Variants in PCDH17 observed in about 807,000 individuals in gnomAD.
PCDH17 encodes the protein protocadherin 17, also known as protocadherin-17.
PCDH17 carries 21 observed loss-of-function variants against 67.7 expected under a neutral mutation model. The observed-to-expected ratio is 0.31, with a 90% CI of 0.22 to 0.45. The LOEUF is 0.45. Ranked by LOEUF, PCDH17 falls within the 20% of genes least tolerant of loss-of-function variation. The probability of loss-of-function intolerance (pLI) is 1.00; values close to 1 mark genes in which losing one functional copy is unlikely to be tolerated. For synonymous variants in PCDH17, 701 were observed against 656.7 expected (o/e 1.07, Z -1.03); for missense variants, 1,471 against 1,564.8 (o/e 0.94, Z 1.01).
chr13:57,670,491 T>C (rs1163020297), intron 3 of PCDH17, among the ~76,000 whole-genome samples: 1 of 151,404 alleles, frequency 6.6e-6, no homozygotes, highest in South Asian at 2.1e-4. Flanking sequence ...TAAAAATGTG[T>C]AGCAGTGCCT....
intron 1 of PCDH17, among the ~76,000 whole-genome samples, chr13:57,651,825 A>C (rs1323837913): frequency 1.3e-5 from 2 of 152,158 alleles, no homozygotes; most frequent in Admixed American, 6.5e-5. Flanking sequence ...AATACTAAAT[A>C]CATATTAACA....
At chr13:57,700,158 AG>A (rs1399678994) in intron 3 of PCDH17, among the ~76,000 whole-genome samples, 3 of 152,160 alleles carry the variant, frequency 2.0e-5, no homozygotes, top group African/African-American at 7.2e-5. Context: ...GTGTGGGAAG[AG>A]ACTAGAGTTG....
chr13:57,703,066 A>T (rs1474027550), intron 3 of PCDH17, among the ~76,000 whole-genome samples: 3 of 152,142 alleles, frequency 2.0e-5, no homozygotes, highest in Admixed American at 2.0e-4. Flanking sequence ...TTCACAAATG[A>T]TGGAGTTAAC....
rs2138025458 is a variant in PCDH17, at chr13:57,667,365, C to T, written c.2797+532C>T. Among the ~76,000 whole-genome samples, 2 of 152,082 alleles carry T rather than the reference C, an allele frequency of 1.3e-5. 1 individual carries two copies. The highest frequency in any genetic ancestry group is 4.1e-4 in the South Asian group (2 of 4,824). On this transcript the variant is annotated intron_variant, in intron 3 of 3. Transcript: ENST00000377918. ...TTTACATCTAAGGCTTCATGAATATCAAATGGGTAATAAAGCAATGTGTCT... is the reference window on the plus strand; with the variant it reads ...TTTACATCTAAGGCTTCATGAATATTAAATGGGTAATAAAGCAATGTGTCT...
chr13:57,680,075 G>A (rs1379618136), intron 3 of PCDH17, among the ~76,000 whole-genome samples: 2 of 150,974 alleles, frequency 1.3e-5, no homozygotes, highest in Non-Finnish European at 3.0e-5. Flanking sequence ...AAAGTGTTTT[G>A]TCTTTGAGGA....
At position 57,635,217 on chromosome 13, in the gene PCDH17, G is replaced by GA. The variant is rs869149787; in HGVS notation, c.2565+111dup. The GA allele has an allele frequency of 4.4e-6, 5 of 1,145,118 alleles. No individual in the cohort carries two copies. The African/African-American group carries it at 6.2e-5, about 14-fold the overall frequency. The allele number at this position is 1,145,118 out of a possible 1,614,324, so 70.9% of individuals were successfully genotyped here. On this transcript the variant is annotated intron_variant, in intron 1 of 3. Transcript: ENST00000377918. ...CCACTCTGCCAGCAGCAGTGAGGGG[G>GA]AAAAATAATTAAATGAAAACGGTTT...
In PCDH17 at chr13:57,632,521, TCCTGCC is replaced by T. The variant is rs1384822720; in HGVS notation, c.-23_-18del. The T allele has an allele frequency of 2.5e-6, 4 of 1,603,474 alleles. No individual in the cohort carries two copies. In the Admixed American group the frequency reaches 5.2e-5, roughly 21 times the overall value. On this transcript the variant is annotated 5_prime_UTR_variant, in exon 1 of 4. Transcript: ENST00000377918. ...TCTCTGGCTCCTCCAGTCCGATTGC[TCCTGCC>T]CCCACCTTACAGGTCTGGGATGTAC...
chr13:57,702,083 A>G (rs1955669812), intron 3 of PCDH17, among the ~76,000 whole-genome samples: 1 of 151,796 alleles, frequency 6.6e-6, no homozygotes, highest in African/African-American at 2.4e-5. Flanking sequence ...AGGCCCAGTT[A>G]ATTTTTGTAT....
At position 57,633,828 on chromosome 13, in the gene PCDH17, C is replaced by T. The variant is rs764920344; in HGVS notation, c.1282C>T (p.Arg428Cys). The part of the protein sequence containing the change: ...YDNFYTVVTD[R>C]PLDRETQDEY... ...CAACTTCTACACGGTGGTGACTGAC[C>T]GCCCGCTGGACCGCGAGACACAAGA... is the stretch of plus-strand genomic sequence containing the variant. Residue 428 changes from arginine (R) to cysteine (C), a missense_variant, in exon 1 of 4, where the codon CGC becomes TGC. By Grantham distance (180) the Arg-to-Cys change is radical. Around this residue, in one of 3 missense-constraint regions of PCDH17, gnomAD observed 1,163 missense variants for 1,230.0 expected, o/e 0.95. Coordinates refer to ENST00000377918, the MANE Select transcript of PCDH17 (RefSeq NM_001040429.3). This position sits in a 1 kb window ranked among gnomAD's most constrained non-coding sequence, Gnocchi z 6.2. 2 of 1,612,232 alleles carry T rather than the reference C, an allele frequency of 1.2e-6. No individual in the cohort carries two copies. The highest frequency in any genetic ancestry group is 1.7e-5 in the Admixed American group (1 of 60,006).
intron 1 of PCDH17, among the ~76,000 whole-genome samples, chr13:57,650,474 A>G (rs754915371): frequency 2.6e-5 from 4 of 152,104 alleles, no homozygotes; most frequent in South Asian, 2.1e-4. Flanking sequence ...TAGCAAGTCA[A>G]TAGTTTCCCT....
intron 3 of PCDH17, among the ~76,000 whole-genome samples, chr13:57,723,717 G>T (rs1332299515): frequency 1.3e-5 from 2 of 152,124 alleles, no homozygotes; most frequent in African/African-American, 4.8e-5. Context: ...AAATATTGGG[G>T]TCAATGGAAG....
intron 3 of PCDH17, among the ~76,000 whole-genome samples, chr13:57,667,073 T>C (rs1356163092): frequency 1.3e-5 from 2 of 152,130 alleles, no homozygotes; most frequent in Non-Finnish European, 2.9e-5. Context: ...CCAAAGTCAC[T>C]TGATTGTTCT....
At position 57,633,272 on chromosome 13, in the gene PCDH17, C is replaced by T; in HGVS notation, c.726C>T (p.Val242=). ...KVIDSNDNSP[V]FEAPSYLVEL... The stretch of plus-strand genomic sequence containing the variant: ...TTGACTCCAACGACAACAGCCCGGT[C>T]TTCGAGGCGCCATCCTACTTGGTGG... Residue 242 remains valine (V), a synonymous_variant, in exon 1 of 4, where the codon GTC becomes GTT. Transcript: ENST00000377918. This position sits in a 1 kb window ranked among gnomAD's most constrained non-coding sequence, Gnocchi z 6.2. 2 of 1,613,376 alleles carry T rather than the reference C, an allele frequency of 1.2e-6. No individual in the cohort carries two copies. Among genetic ancestry groups the T allele is most frequent in the Non-Finnish European group, 1.7e-6 (2 of 1,180,036 alleles).
rs545919409 is a variant in PCDH17, at chr13:57,647,066, A to C, written c.2565+11955A>C. On this transcript the variant is annotated intron_variant, in intron 1 of 3. Transcript: ENST00000377918. Reference sequence around the variant, plus strand: ...TACTCTTTCTGTGACTTTTTCTTAAACTATCGTACATGCTTTCTTTTAAAA... The same window carrying C: ...TACTCTTTCTGTGACTTTTTCTTAACCTATCGTACATGCTTTCTTTTAAAA... Among the ~76,000 whole-genome samples, 84 of 151,888 alleles carry C rather than the reference A, an allele frequency of 5.5e-4. 1 individual carries two copies. Among genetic ancestry groups the C allele is most frequent in the Non-Finnish European group, 1.0e-3 (70 of 67,742 alleles).
intron 1 of PCDH17, among the ~76,000 whole-genome samples, chr13:57,635,501 GT>G (rs1361582842): frequency 6.6e-6 from 1 of 151,782 alleles, no homozygotes; most frequent in East Asian, 1.9e-4. Context: ...TTTTTATTCT[GT>G]TTTTTTAAAT....
chr13:57,706,281 A>T (rs1174771466), intron 3 of PCDH17, among the ~76,000 whole-genome samples: 1 of 152,134 alleles, frequency 6.6e-6, no homozygotes, highest in Non-Finnish European at 1.5e-5. Context: ...ATGTACTTAC[A>T]TCTTTTGCCA....
At chr13:57,631,623 A>G (rs1954721506), upstream of PCDH17, among the ~76,000 whole-genome samples, 1 of 152,130 alleles carries the variant, frequency 6.6e-6, no homozygotes, top group Admixed American at 6.5e-5. Context: ...ATAGACTCAC[A>G]CAGCAAATGC....
intron 3 of PCDH17, among the ~76,000 whole-genome samples, chr13:57,676,461 G>A (rs1016146397): frequency 3.3e-5 from 5 of 151,804 alleles, no homozygotes; most frequent in African/African-American, 4.8e-5. Flanking sequence ...TGAGGCACCC[G>A]TATGGAAGTA....
At chr13:57,655,222 A>T (rs550972466) in intron 1 of PCDH17, among the ~76,000 whole-genome samples, 1 of 151,946 alleles carries the variant, frequency 6.6e-6, no homozygotes, top group Non-Finnish European at 1.5e-5. Context: ...TTGAAAGAAT[A>T]ATGCAAAACA....
Sources: allele counts gnomAD v4.1 joint callset (sites outside exome capture counted in the v4.1 genomes callset), GRCh38; gene constraint gnomAD v4.1.1; regional missense constraint gnomAD v4.1.1; non-coding constraint Gnocchi (gnomAD v3.1); transcripts MANE v1.5; gene names NCBI Gene and HGNC (gene_info 2026-07-23, HGNC 2026-07-21).